ZNF385D: variants seen among roughly 807,000 people sequenced by gnomAD.
ZNF385D encodes the protein zinc finger protein 385D, also known as zinc finger protein 659.
ZNF385D carries 15 observed loss-of-function variants against 35.8 expected under a neutral mutation model. The observed-to-expected ratio is 0.42, with a 90% CI of 0.28 to 0.64. The LOEUF is 0.64. Among genes scored for constraint, ZNF385D ranks in the 30% least tolerant of loss-of-function variants. The pLI, the probability that ZNF385D is intolerant of heterozygous loss-of-function variation, is 0.23. For missense variants in ZNF385D, 474 were observed against 494.6 expected (o/e 0.96, Z 0.39); for synonymous variants, 212 against 186.8 (o/e 1.13, Z -1.10).
At chr3:22,341,870 C>T (rs922382050) in intron 2 of ZNF385D, among the ~76,000 whole-genome samples, 7 of 152,214 alleles carry the variant, frequency 4.6e-5, no homozygotes, top group African/African-American at 1.7e-4. Flanking sequence ...ATGCCAGGCA[C>T]ATAGTAGGTG....
chr3:21,865,237 G>T (rs909363081), intron 3 of ZNF385D, among the ~76,000 whole-genome samples: 1 of 151,612 alleles, frequency 6.6e-6, no homozygotes, highest in South Asian at 2.1e-4. Flanking sequence ...GAAATATAAT[G>T]AATCTGCTAT....
At chr3:21,798,731 T>A (rs2072265382) in intron 3 of ZNF385D, among the ~76,000 whole-genome samples, 3 of 152,186 alleles carry the variant, frequency 2.0e-5, no homozygotes, top group South Asian at 4.1e-4. Flanking sequence ...GGGGAGCTGA[T>A]CATATAAACC....
At chr3:21,874,197 C>T (rs894359358) in intron 3 of ZNF385D, among the ~76,000 whole-genome samples, 2 of 151,870 alleles carry the variant, frequency 1.3e-5, no homozygotes, top group African/African-American at 4.8e-5. Context: ...GCCATCCTAA[C>T]AAGTGTAAAC....
intron 3 of ZNF385D, among the ~76,000 whole-genome samples, chr3:21,826,829 A>G (rs1459014620): frequency 1.3e-5 from 2 of 151,984 alleles, no homozygotes; most frequent in Admixed American, 1.3e-4. Context: ...ATTAAAAAAA[A>G]AAAAAAAAAA....
At chr3:21,687,196 G>A (rs7620093) in intron 1 of ZNF385D, among the ~76,000 whole-genome samples, 20,745 of 152,060 alleles carry the variant, frequency 0.14, 1,649 homozygotes, top group African/African-American at 0.2. Context: ...AACATGCGTG[G>A]GGTCATCTTA....
At chr3:21,427,902 G>A (rs1353267950) in intron 5 of ZNF385D, among the ~76,000 whole-genome samples, 1 of 151,074 alleles carries the variant, frequency 6.6e-6, no homozygotes, top group Non-Finnish European at 1.5e-5. Flanking sequence ...ACACACACAG[G>A]TATACATATG....
chr3:21,956,158 G>T (rs1435358953), intron 3 of ZNF385D, among the ~76,000 whole-genome samples: 1 of 151,848 alleles, frequency 6.6e-6, no homozygotes, highest in African/African-American at 2.4e-5. Context: ...CTGCATTGAA[G>T]ACTGGGTGAG....
At chr3:21,929,939 G>T (rs1379547756) in intron 3 of ZNF385D, among the ~76,000 whole-genome samples, 1 of 152,000 alleles carries the variant, frequency 6.6e-6, no homozygotes, top group African/African-American at 2.4e-5. Context: ...TGTAGAAATT[G>T]CCAAGCTTAT....
At chr3:21,913,493 T>C (rs1335410308) in intron 3 of ZNF385D, among the ~76,000 whole-genome samples, 2 of 152,280 alleles carry the variant, frequency 1.3e-5, no homozygotes, top group Middle Eastern at 3.4e-3. Flanking sequence ...CCAGGTATTA[T>C]GCTCATCCTT....
At chr3:22,283,859 A>C (rs1451003462) in intron 2 of ZNF385D, among the ~76,000 whole-genome samples, 1 of 152,160 alleles carries the variant, frequency 6.6e-6, no homozygotes, top group Non-Finnish European at 1.5e-5. Context: ...GGAAGAAAGA[A>C]ATCTCTTAAC....
At chr3:22,167,583 C>A (rs547122701) in intron 3 of ZNF385D, among the ~76,000 whole-genome samples, 160 of 152,238 alleles carry the variant, frequency 1.1e-3, no homozygotes, top group African/African-American at 3.7e-3. Context: ...GGCCCTCTGC[C>A]CTCTAATAAG....
chr3:22,348,125 G>A (rs903459990), intron 2 of ZNF385D, among the ~76,000 whole-genome samples: 1 of 152,034 alleles, frequency 6.6e-6, no homozygotes, highest in African/African-American at 2.4e-5. Flanking sequence ...ATTAATAGGA[G>A]AAAACAGGCA....
At chr3:22,045,679 A>C (rs1156342610) in intron 3 of ZNF385D, among the ~76,000 whole-genome samples, 1 of 152,080 alleles carries the variant, frequency 6.6e-6, no homozygotes, top group Non-Finnish European at 1.5e-5. Context: ...TTTTATGTCT[A>C]ATATGCTGTA....
chr3:21,888,839 C>T (rs17009967), intron 3 of ZNF385D, among the ~76,000 whole-genome samples: 17,472 of 152,216 alleles, frequency 0.11, 1,545 homozygotes, highest in East Asian at 0.31. Flanking sequence ...GCCAAGGTGA[C>T]GGCAGAGGGC....
chr3:21,740,609 T>C (rs1209426536), intron 1 of ZNF385D, among the ~76,000 whole-genome samples: 2 of 152,070 alleles, frequency 1.3e-5, no homozygotes, highest in African/African-American at 4.8e-5. Flanking sequence ...GCACAGGCAA[T>C]GTGTAATCAG....
chr3:21,737,200 A>G (rs1358307413), intron 1 of ZNF385D, among the ~76,000 whole-genome samples: 2 of 152,192 alleles, frequency 1.3e-5, no homozygotes, highest in Non-Finnish European at 2.9e-5. Flanking sequence ...TTGGCCTCCT[A>G]AAGTGCTGGG....
chr3:22,003,498 T>A (rs1695988763), intron 3 of ZNF385D, among the ~76,000 whole-genome samples: 1 of 152,194 alleles, frequency 6.6e-6, no homozygotes, highest in African/African-American at 2.4e-5. Flanking sequence ...AAGACCATAG[T>A]ACCAAAGGTA....
chr3:21,916,258 T>C (rs1486392), intron 3 of ZNF385D, among the ~76,000 whole-genome samples: 17,804 of 152,144 alleles, frequency 0.12, 1,396 homozygotes, highest in South Asian at 0.23. Flanking sequence ...CTTTTCTAGA[T>C]AGATTTTGTC....
chr3:21,885,864 G>T (rs1055361006), intron 3 of ZNF385D, among the ~76,000 whole-genome samples: 1 of 151,710 alleles, frequency 6.6e-6, no homozygotes, highest in African/African-American at 2.4e-5. Flanking sequence ...AGGAGTTACA[G>T]TTATAGTCCA....
Sources: gnomAD v4.1 joint callset for allele counts (sites outside exome capture counted in the v4.1 genomes callset) on GRCh38, gnomAD v4.1.1 for gene constraint, MANE v1.5 for transcripts, NCBI Gene and HGNC (gene_info 2026-07-23, HGNC 2026-07-21) for gene names.